Variants in TXNDC16 observed in about 807,000 individuals in gnomAD.
TXNDC16 encodes thioredoxin domain-containing protein 16.
Under a neutral mutation model 85.6 loss-of-function variants are expected in TXNDC16, and 74 were observed. That is an observed-to-expected ratio of 0.86 (90% CI 0.72 to 1.05). The LOEUF is 1.05. Ranked by LOEUF, TXNDC16 falls within the 50% of genes least tolerant of loss-of-function variation. TXNDC16 has a pLI of 0.00. For synonymous variants in TXNDC16, 335 were observed against 326.5 expected (o/e 1.03, Z -0.28); for missense variants, 959 against 947.0 (o/e 1.01, Z -0.17).
At chr14:52,439,013 CA>C (rs2140100565) in intron 20 of TXNDC16, among the ~76,000 whole-genome samples, 190 bp downstream of exon 20, 1 of 152,234 alleles carries the variant, frequency 6.6e-6, no homozygotes, top group Non-Finnish European at 1.5e-5. Flanking sequence ...ATTCAAGAAA[CA>C]GGCCTTCACA....
chr14:52,477,095 A>G (rs2036035443), intron 14 of TXNDC16, among the ~76,000 whole-genome samples: 1 of 152,200 alleles, frequency 6.6e-6, no homozygotes. Flanking sequence ...AGTGGAGGAA[A>G]GATACAGTAT....
chr14:52,499,482 AT>A (rs564681448), intron 9 of TXNDC16, among the ~76,000 whole-genome samples: 59 of 152,184 alleles, frequency 3.9e-4, no homozygotes, highest in African/African-American at 1.3e-3. Context: ...TTGAATAGAC[AT>A]TTTTCCAAAG....
chr14:52,483,503 C>A (rs1188177778), intron 12 of TXNDC16, among the ~76,000 whole-genome samples: 1 of 152,166 alleles, frequency 6.6e-6, no homozygotes, highest in Non-Finnish European at 1.5e-5. Context: ...AAGACAATAA[C>A]ATATACGAAA....
intron 9 of TXNDC16, among the ~76,000 whole-genome samples, chr14:52,505,299 A>G (rs2036768849): frequency 6.6e-6 from 1 of 152,166 alleles, no homozygotes; most frequent in Admixed American, 6.5e-5. Context: ...CACCTATTCC[A>G]AAATTGACCA....
At chr14:52,542,610 T>C (rs1298717149) in intron 3 of TXNDC16, among the ~76,000 whole-genome samples, 157 bp from the exon 4 acceptor site, 2 of 152,186 alleles carry the variant, frequency 1.3e-5, no homozygotes, top group Admixed American at 6.5e-5. Flanking sequence ...TATTTTACTA[T>C]TGCCTCATTA....
At chr14:52,437,425 G>C (rs1484315802) in intron 20 of TXNDC16, among the ~76,000 whole-genome samples, 1 of 152,098 alleles carries the variant, frequency 6.6e-6, no homozygotes, top group Non-Finnish European at 1.5e-5. Flanking sequence ...AGACTTAAAT[G>C]TAAGAACTTA....
rs1566536518 is a variant in TXNDC16, at chr14:52,455,405, G to A, written c.1761C>T (p.Gly587=). 6.2e-7 allele frequency: 1 copy of A among 1,613,882 alleles called. No individual in the cohort carries two copies. Among genetic ancestry groups the A allele is most frequent in the East Asian group, 2.2e-5 (1 of 44,868 alleles). Residue 587 remains glycine, a synonymous_variant, in exon 18 of 21, where the codon GGC becomes GGT. Transcript: ENST00000281741. ...PALLLARHTE[G]KIESIPLAST... ...TAGCTAGTGGGATGCTCTCTATTTTGCCTTCTGTGTGTCTGGCAAGCAGCA... is the reference window on the plus strand; with the variant it reads ...TAGCTAGTGGGATGCTCTCTATTTTACCTTCTGTGTGTCTGGCAAGCAGCA...
chr14:52,503,919 G>A (rs1420223360), intron 9 of TXNDC16, among the ~76,000 whole-genome samples: 5 of 152,136 alleles, frequency 3.3e-5, no homozygotes, highest in South Asian at 2.1e-4. Flanking sequence ...CGAGAACTAC[G>A]GGACAAATGC....
intron 12 of TXNDC16, among the ~76,000 whole-genome samples, chr14:52,483,547 G>A (rs1276758782): frequency 2.2e-4 from 33 of 152,286 alleles, no homozygotes; most frequent in Admixed American, 2.2e-3. Context: ...GCACATACAA[G>A]GCTGAGGGAA....
At chr14:52,437,578 C>T (rs191400766) in intron 20 of TXNDC16, among the ~76,000 whole-genome samples, 11 of 152,028 alleles carry the variant, frequency 7.2e-5, no homozygotes, top group African/African-American at 2.7e-4. Context: ...TAAAAAAAAG[C>T]TTCTTCACAG....
chr14:52,543,254 C>A (rs1222185512), intron 3 of TXNDC16, 144 bp downstream of exon 3: 1 of 879,504 alleles, frequency 1.1e-6, no homozygotes, highest in East Asian at 2.9e-5. Flanking sequence ...CGGCACGGGC[C>A]GGATTCAAAC....
rs527712334 is a variant in TXNDC16 at position 52,540,095 on chromosome 14, C to T, written c.243+2276G>A. 1.3e-4 allele frequency among the ~76,000 whole-genome samples: 20 copies of T among 152,306 alleles called. No homozygotes were observed. In the South Asian group the frequency reaches 4.1e-3, roughly 32 times the overall value. ...TGGTAACCAGGTAGAAAAGGAAGGA[C>T]ACATTTAAGGCAAGACATATAGCCC... On this transcript the variant is annotated intron_variant, in intron 4 of 20. Transcript: ENST00000281741.
chr14:52,526,229 C>G (rs1272533274), intron 6 of TXNDC16, among the ~76,000 whole-genome samples: 1 of 152,030 alleles, frequency 6.6e-6, no homozygotes, highest in Non-Finnish European at 1.5e-5. Context: ...ACTATAAATC[C>G]AAATTCTCAT....
At chr14:52,530,634 T>C (rs1452681210) in intron 6 of TXNDC16, among the ~76,000 whole-genome samples, 1 of 111,778 alleles carries the variant, frequency 8.9e-6, no homozygotes, top group African/African-American at 3.4e-5. Flanking sequence ...TATATACATA[T>C]ATATAAAAAA....
chr14:52,447,897 A>G (rs10438122), intron 18 of TXNDC16, among the ~76,000 whole-genome samples: 90 of 152,186 alleles, frequency 5.9e-4, no homozygotes, highest in African/African-American at 2.1e-3. Context: ...CAACTAAACT[A>G]ACATATGTAG....
chr14:52,496,810 T>A lies in TXNDC16; in HGVS notation c.757-5805A>T, dbSNP rs550833851. Reference sequence around the variant, plus strand: ...GTTTTTGTAGAGATGGGGGTCTTCATATTTTGCTCAGGCTGGTCTCAAACT... The same window carrying A: ...GTTTTTGTAGAGATGGGGGTCTTCAAATTTTGCTCAGGCTGGTCTCAAACT... On this transcript the variant is annotated intron_variant, in intron 9 of 20. Coordinates refer to ENST00000281741, the MANE Select transcript of TXNDC16 (RefSeq NM_020784.3). Among the ~76,000 whole-genome samples the A allele has an allele frequency of 3.9e-5, 6 of 151,970 alleles. No homozygotes were observed. In the East Asian group the frequency reaches 7.7e-4, roughly 20 times the overall value.
chr14:52,472,382 A>C (rs2039265341), intron 14 of TXNDC16, among the ~76,000 whole-genome samples: 1 of 152,022 alleles, frequency 6.6e-6, no homozygotes, highest in Admixed American at 6.6e-5. Context: ...TATCTTTAGT[A>C]GAGACAGGGT....
At chr14:52,463,370 G>A (rs1182116000) in intron 16 of TXNDC16, among the ~76,000 whole-genome samples, 1 of 151,954 alleles carries the variant, frequency 6.6e-6, no homozygotes, top group African/African-American at 2.4e-5. Flanking sequence ...GGGGTCGCTG[G>A]AAGTTCTACT....
rs115346079 is a variant in TXNDC16 at position 52,551,863 on chromosome 14, T to C, written c.-182+453A>G. On this transcript the variant is annotated intron_variant, in intron 1 of 20. Coordinates refer to ENST00000281741, the MANE Select transcript of TXNDC16 (RefSeq NM_020784.3). ...AATATTCTACTTCCTCTCCAGGCAA[T>C]CATCATACTTACAAGTCTGTTTCTG... is the stretch of plus-strand genomic sequence containing the variant. Among the ~76,000 whole-genome samples the C allele has an allele frequency of 4.0e-3, 608 of 152,288 alleles. 5 individuals are homozygous for C. Among genetic ancestry groups the C allele is most frequent in the African/African-American group, 0.014 (578 of 41,544 alleles).
Sources: allele counts gnomAD v4.1 joint callset (sites outside exome capture counted in the v4.1 genomes callset), GRCh38; gene constraint gnomAD v4.1.1; transcripts MANE v1.5; gene names NCBI Gene and HGNC (gene_info 2026-07-23, HGNC 2026-07-21).